The following STAM variants were observed in gnomAD, a reference collection of about 807,000 sequenced individuals.
The protein encoded by STAM is signal transducing adapter molecule 1.
A neutral mutation model predicts 63.4 loss-of-function variants in STAM; 16 were observed. That is an observed-to-expected ratio of 0.25 (90% confidence interval 0.17 to 0.38). The LOEUF (loss-of-function observed/expected upper bound fraction) is 0.38, where lower values mean the gene tolerates loss of function less well. Ranked by LOEUF, STAM falls within the 10% of genes least tolerant of loss-of-function variation. The pLI, the probability that STAM is intolerant of heterozygous loss-of-function variation, is 1.00. For missense variants in STAM, 636 were observed against 657.1 expected, an observed-to-expected ratio of 0.97 and a Z score of 0.35; for synonymous variants, 238 against 223.9, an observed-to-expected ratio of 1.06 and a Z score of -0.56.
chr10:17,682,700 G>GA (rs34089222), intron 2 of STAM, among the ~76,000 whole-genome samples: 1 of 151,904 alleles, frequency 6.6e-6, no homozygotes, highest in East Asian at 1.9e-4. Context: ...CCATGCACAT[G>GA]AAAAAAAATG....
At chr10:17,669,105 T>C (rs1834520595) in intron 2 of STAM, among the ~76,000 whole-genome samples, 1 of 152,242 alleles carries the variant, frequency 6.6e-6, no homozygotes, top group African/African-American at 2.4e-5. Context: ...ATTTATCCTG[T>C]TAGGCAGTAT....
At chr10:17,657,621 T>G (rs1019163207) in intron 1 of STAM, among the ~76,000 whole-genome samples, 1 of 152,240 alleles carries the variant, frequency 6.6e-6, no homozygotes, top group Non-Finnish European at 1.5e-5. Flanking sequence ...AGATTATTAA[T>G]TATTGATTCA....
intron 7 of STAM, chr10:17,696,226 A>G (rs1189599036): frequency 6.6e-6 from 1 of 151,974 alleles, no homozygotes; most frequent in African/African-American, 2.4e-5. Flanking sequence ...ATTGCCCAAA[A>G]CCTTACGTCT....
chr10:17,700,376 T>A, intron 9 of STAM, 97 bp downstream of exon 9: 1 of 937,470 alleles, frequency 1.1e-6, no homozygotes, highest in Non-Finnish European at 1.5e-6. Flanking sequence ...TTTTTTGTTG[T>A]AAAAATTTTT....
chr10:17,708,337 T>G (rs575761992), intron 12 of STAM, among the ~76,000 whole-genome samples: 1 of 152,308 alleles, frequency 6.6e-6, no homozygotes, highest in South Asian at 2.1e-4. Context: ...CTTTAGAAAG[T>G]TAGCTTGCTC....
chr10:17,696,038 G>C (rs1835741254), intron 7 of STAM: 1 of 152,072 alleles, frequency 6.6e-6, no homozygotes, highest in South Asian at 2.1e-4. Context: ...TCTTTTATAA[G>C]GTCGCTAATC....
At chr10:17,709,235 A>G (rs1360256387) in intron 13 of STAM, among the ~76,000 whole-genome samples, 2 of 152,170 alleles carry the variant, frequency 1.3e-5, no homozygotes, top group African/African-American at 4.8e-5. Flanking sequence ...ATTTGCATCT[A>G]TGATATTTGA....
At position 17,644,202 on chromosome 10, in the gene STAM, AGAG is replaced by A; in HGVS notation, c.-131_-129del. 1.2e-5 allele frequency: 11 copies of A among 889,340 alleles called. 1 individual carries two copies. Among genetic ancestry groups the A allele is most frequent in the South Asian group, 9.9e-5 (7 of 70,984 alleles). The allele number at this position is 889,340 out of a possible 1,614,324, so 55.1% of individuals were successfully genotyped here. A position where few individuals can be genotyped will look rare whatever the true frequency, so the allele number is the denominator to read the frequency against. ...CTGCCGCGGTTGGTGGGGTTGGGTG[AGAG>A]GAGGAGCTGTCGCGGACCCTGTAGA... On this transcript the variant is annotated 5_prime_UTR_variant, in exon 1 of 14. Coordinates refer to ENST00000377524, the MANE Select transcript of STAM (RefSeq NM_003473.4).
intron 1 of STAM, among the ~76,000 whole-genome samples, chr10:17,656,761 C>G (rs935112812): frequency 6.6e-6 from 1 of 152,112 alleles, no homozygotes; most frequent in Non-Finnish European, 1.5e-5. Flanking sequence ...AAGAATTCAT[C>G]TAAGGGGCGT....
At chr10:17,663,051 G>C (rs1834235357) in intron 2 of STAM, among the ~76,000 whole-genome samples, 1 of 152,170 alleles carries the variant, frequency 6.6e-6, no homozygotes, top group East Asian at 1.9e-4. Context: ...TGGGTCAATT[G>C]CTTGAAGTTG....
At chr10:17,696,924 G>C in intron 8 of STAM, 55 bp downstream of exon 8, 1 of 1,456,728 alleles carries the variant, frequency 6.9e-7, no homozygotes, top group Non-Finnish European at 9.6e-7. Flanking sequence ...TTTCTTAATG[G>C]AAGTTGAGTA....
rs1554828061 is a variant in STAM, at chr10:17,699,361, T to A, written c.824-830T>A. On this transcript the variant is annotated intron_variant, in intron 8 of 13. Coordinates refer to ENST00000377524, the MANE Select transcript of STAM (RefSeq NM_003473.4). ...TTCCTTTCCATCATGATTCTTAATA[T>A]TTTTATGAATTGATTGACCACATTG... Among the ~76,000 whole-genome samples, 4 of 152,336 alleles carry A rather than the reference T, an allele frequency of 2.6e-5. No homozygotes were observed. In the East Asian group the frequency reaches 7.7e-4, roughly 29 times the overall value.
chr10:17,711,959 A>G (rs990262588), intron 13 of STAM, among the ~76,000 whole-genome samples: 4 of 152,216 alleles, frequency 2.6e-5, no homozygotes, highest in African/African-American at 9.6e-5. Context: ...ATTAATTGGA[A>G]AGAGTTATTT....
chr10:17,692,846 C>A (rs1409330552), intron 5 of STAM, among the ~76,000 whole-genome samples: 2 of 151,486 alleles, frequency 1.3e-5, no homozygotes, highest in African/African-American at 4.8e-5. Flanking sequence ...TTTTTTTTAA[C>A]TATTTATGTT....
Position 17,684,770 on chromosome 10 carries a change from T to C in STAM, c.201+20T>C, listed in dbSNP as rs2131632314. On this transcript the variant is annotated intron_variant, in intron 3 of 13. Transcript: ENST00000377524. ...TTGACTGTGAGTGGTTTCATTTTAA[T>C]CTGTACCACGAAATTACCTGCCACA... 1 of 1,613,882 alleles carries C rather than the reference T, an allele frequency of 6.2e-7. No individual in the cohort carries two copies.
chr10:17,682,836 T>G (rs1835141922), intron 2 of STAM, among the ~76,000 whole-genome samples: 1 of 152,216 alleles, frequency 6.6e-6, no homozygotes, highest in Non-Finnish European at 1.5e-5. Flanking sequence ...TGAGGGGGCA[T>G]GTTGAAGTTT....
Position 17,660,314 on chromosome 10 carries a change from A to G in STAM, c.41-150A>G, listed in dbSNP as rs554613224. On this transcript the variant is annotated intron_variant, in intron 1 of 13. Coordinates refer to ENST00000377524, the MANE Select transcript of STAM (RefSeq NM_003473.4). ...GAGATAATGAGCGTACATCTTTTCA[A>G]GATGGCCATGAAAATAACTAGAATG... is the stretch of plus-strand genomic sequence containing the variant. The G allele has an allele frequency of 1.1e-3, 530 of 495,418 alleles. 2 individuals are homozygous for G. The highest frequency in any genetic ancestry group is 1.6e-3 in the Non-Finnish European group (445 of 280,480). The allele number at this position is 495,418 out of a possible 1,614,324, so 30.7% of individuals were successfully genotyped here.
intron 1 of STAM, among the ~76,000 whole-genome samples, chr10:17,648,009 A>T (rs553318249): frequency 2.7e-5 from 4 of 149,614 alleles, no homozygotes; most frequent in Admixed American, 2.0e-4. Context: ...TGCCCTTCTC[A>T]GTAGACGACA....
At chr10:17,695,270 T>G (rs1835709895) in intron 7 of STAM, 29 bp downstream of exon 7, 1 of 1,595,004 alleles carries the variant, frequency 6.3e-7, no homozygotes, top group Admixed American at 1.7e-5. Context: ...TTAAAATTTG[T>G]ATGAAAGTGT....
Sources: allele counts gnomAD v4.1 joint callset (sites outside exome capture counted in the v4.1 genomes callset), GRCh38; gene constraint gnomAD v4.1.1; transcripts MANE v1.5; gene names NCBI Gene and HGNC (gene_info 2026-07-23, HGNC 2026-07-21).